Variants in CTU1 observed in about 807,000 individuals in gnomAD.
CTU1 encodes the protein cytoplasmic tRNA 2-thiolation protein 1.
CTU1 carries 15 observed loss-of-function variants against 12.9 expected under a neutral mutation model. That is an observed-to-expected ratio of 1.16 (90% confidence interval 0.78 to 1.79). CTU1 has a LOEUF of 1.79. CTU1 is among the 40% of genes most tolerant of loss of function. The probability of loss-of-function intolerance (pLI) is 0.00; values close to 1 mark genes in which losing one functional copy is unlikely to be tolerated. For missense variants in CTU1, 553 were observed against 550.5 expected, an observed-to-expected ratio of 1.00 and a Z score of -0.05; for synonymous variants, 295 against 275.6, an observed-to-expected ratio of 1.07 and a Z score of -0.70.
Position 51,099,016 on chromosome 19 carries a change from C to G in CTU1, c.632G>C (p.Arg211Pro). The G allele has an allele frequency of 6.6e-7, 1 of 1,511,258 alleles. No homozygotes were observed. The highest frequency in any genetic ancestry group is 1.8e-4 in the Middle Eastern group (1 of 5,600). The allele number at this position is 1,511,258 out of a possible 1,614,324, so 93.6% of individuals were successfully genotyped here. A position where few individuals can be genotyped will look rare whatever the true frequency, so the allele number is the denominator to read the frequency against. ...PGEGGALPRC[R>P]PLQFASQKEV... Reference sequence around the variant, plus strand: ...CTTCTGCGAGGCGAACTGCAGCGGGCGGCAGCGCGGCAGGGCGCCCCCCTC... The same window carrying G: ...CTTCTGCGAGGCGAACTGCAGCGGGGGGCAGCGCGGCAGGGCGCCCCCCTC... Residue 211 changes from arginine (R) to proline (P), a missense_variant, in exon 3 of 3, where the codon CGC becomes CCC. Arg to Pro is a moderately radical substitution (Grantham distance 103). Coordinates refer to ENST00000421832, the MANE Select transcript of CTU1 (RefSeq NM_145232.4).
In CTU1 at chr19:51,100,799, T is replaced by G. The variant is rs1203069187; in HGVS notation, c.509-1660A>C. Among the ~76,000 whole-genome samples, 3 of 152,174 alleles carry G rather than the reference T, an allele frequency of 2.0e-5. No homozygotes were observed. The East Asian group carries it at 5.8e-4, about 29-fold the overall frequency. Reference sequence around the variant, plus strand: ...ACAGAACTACAAGATAATAAATCTGTGTTGTTTAAAGCTGTGAAATTTGAA... The same window carrying G: ...ACAGAACTACAAGATAATAAATCTGGGTTGTTTAAAGCTGTGAAATTTGAA... On this transcript the variant is annotated intron_variant, in intron 2 of 2. Coordinates refer to ENST00000421832, the MANE Select transcript of CTU1 (RefSeq NM_145232.4).
chr19:51,099,466 C>T (rs969618039), intron 2 of CTU1, among the ~76,000 whole-genome samples: 2 of 152,002 alleles, frequency 1.3e-5, no homozygotes, highest in African/African-American at 4.8e-5. Flanking sequence ...CATGGAGACC[C>T]TCCGGGAACC....
In CTU1 at chr19:51,104,363, G is replaced by T. The variant is rs934791437; in HGVS notation, c.207C>A (p.His69Gln). Reference protein sequence around the residue: ...SGGKDSTVLAHVLRALAPRLG... With the variant: ...SGGKDSTVLAQVLRALAPRLG... ...GGCGCGGCGCCAGCGCGCGCAGCACGTGCGCCAGCACCGTGGAGTCCTTGC... is the reference window on the plus strand; with the variant it reads ...GGCGCGGCGCCAGCGCGCGCAGCACTTGCGCCAGCACCGTGGAGTCCTTGC... Residue 69 changes from histidine (H) to glutamine (Q), a missense_variant, in exon 2 of 3, where the codon CAC (histidine) becomes CAA (glutamine). Physicochemically the swap from His to Gln is conservative, Grantham distance 24 (BLOSUM62 0). Coordinates refer to ENST00000421832, the MANE Select transcript of CTU1 (RefSeq NM_145232.4). The T allele has an allele frequency of 2.1e-6, 3 of 1,425,818 alleles. No homozygotes were observed. The highest frequency in any genetic ancestry group is 3.1e-5 in the African/African-American group (2 of 65,190). 88.3% of individuals were successfully genotyped at this position (1,425,818 alleles called of 1,614,324 possible).
chr19:51,106,470 C>T (rs965493837), intron 1 of CTU1, among the ~76,000 whole-genome samples: 1 of 151,932 alleles, frequency 6.6e-6, no homozygotes, highest in African/African-American at 2.4e-5. Flanking sequence ...TCCTGCCTAG[C>T]ACCCATCTCT....
intron 2 of CTU1, among the ~76,000 whole-genome samples, chr19:51,100,402 G>A (rs2091904457): frequency 1.3e-5 from 2 of 152,264 alleles, no homozygotes; most frequent in South Asian, 2.1e-4. Context: ...CTGAGGCCAC[G>A]AGTTTGAGAC....
intron 1 of CTU1, among the ~76,000 whole-genome samples, chr19:51,107,844 C>T (rs1206552984): frequency 6.6e-6 from 1 of 152,156 alleles, no homozygotes; most frequent in Non-Finnish European, 1.5e-5. Flanking sequence ...CGAGCGCCTC[C>T]ACCAGGGCCC....
At chr19:51,101,734 T>C (rs559628554) in intron 2 of CTU1, among the ~76,000 whole-genome samples, 1 of 152,216 alleles carries the variant, frequency 6.6e-6, no homozygotes, top group African/African-American at 2.4e-5. Context: ...TCTCGTTGAA[T>C]GTTTATTGAC....
At chr19:51,104,035 C>G in intron 2 of CTU1, 27 bp downstream of exon 2, 1 of 1,423,526 alleles carries the variant, frequency 7.0e-7, no homozygotes, top group South Asian at 1.5e-5. Context: ...TCGGAGAGTG[C>G]CGCTCTGCGG....
intron 1 of CTU1, among the ~76,000 whole-genome samples, chr19:51,105,389 C>G (rs1343335082): frequency 6.6e-6 from 1 of 152,000 alleles, no homozygotes; most frequent in East Asian, 1.9e-4. Flanking sequence ...TGACCTTCAT[C>G]TGTTATCTTT....
chr19:51,106,541 C>CTG (rs1358930943), intron 1 of CTU1, among the ~76,000 whole-genome samples: 2 of 152,042 alleles, frequency 1.3e-5, no homozygotes, highest in African/African-American at 4.8e-5. Flanking sequence ...GAGTCTGGCT[C>CTG]TGTTACCCAG....
intron 2 of CTU1, among the ~76,000 whole-genome samples, chr19:51,100,894 GT>G (rs1261547828): frequency 1.3e-5 from 2 of 150,620 alleles, no homozygotes; most frequent in Non-Finnish European, 3.0e-5. Flanking sequence ...CCAGACTGTA[GT>G]TTTTTTATGG....
chr19:51,106,156 A>T (rs2091920222), intron 1 of CTU1, among the ~76,000 whole-genome samples: 1 of 152,136 alleles, frequency 6.6e-6, no homozygotes, highest in Non-Finnish European at 1.5e-5. Context: ...GAGGCCCTAC[A>T]TGTGTGGCTC....
At chr19:51,107,193 G>A (rs917537632) in intron 1 of CTU1, among the ~76,000 whole-genome samples, 1 of 152,178 alleles carries the variant, frequency 6.6e-6, no homozygotes, top group Non-Finnish European at 1.5e-5. Context: ...GTTTATTCAG[G>A]AGGAGATGGG....
chr19:51,103,018 CT>C (rs2091910870), intron 2 of CTU1, among the ~76,000 whole-genome samples: 1 of 152,188 alleles, frequency 6.6e-6, no homozygotes, highest in African/African-American at 2.4e-5. Context: ...TTGTGCGTAA[CT>C]GTATTCTCAG....
intron 2 of CTU1, among the ~76,000 whole-genome samples, chr19:51,102,835 C>T (rs937307735): frequency 5.2e-5 from 6 of 115,526 alleles, no homozygotes; most frequent in African/African-American, 2.5e-4. Context: ...AATTCTTACC[C>T]GCTTTACCTC....
chr19:51,100,934 C>CGT (rs71185800), intron 2 of CTU1, among the ~76,000 whole-genome samples: 32,050 of 145,240 alleles, frequency 0.22, 3,659 homozygotes, highest in African/African-American at 0.3. Flanking sequence ...TTTTATTGTG[C>CGT]GTGTGTGTGT....
chr19:51,104,467 C>T lies in CTU1; in HGVS notation c.103G>A (p.Glu35Lys), dbSNP rs1303353676. Reference protein sequence around the residue: ...LCGACFCAAFEAEVLHTVLAG... With the variant: ...LCGACFCAAFKAEVLHTVLAG... ...AGCACCGTGTGCAGCACCTCGGCCT[C>T]GAAGGCGGCGCAGAAGCAGGCACCG... The change falls in exon 2 of 3, where the codon GAG becomes AAG. Residue 35 changes from glutamate to lysine, a missense_variant. Glu to Lys is a moderately conservative substitution (Grantham distance 56, BLOSUM62 1). Coordinates refer to ENST00000421832, the MANE Select transcript of CTU1 (RefSeq NM_145232.4). 1.3e-5 allele frequency: 17 copies of T among 1,309,736 alleles called. No individual in the cohort carries two copies. The highest frequency in any genetic ancestry group is 1.6e-5 in the Non-Finnish European group (17 of 1,030,426). 81.1% of individuals were successfully genotyped at this position (1,309,736 alleles called of 1,614,324 possible). A position where few individuals can be genotyped will look rare whatever the true frequency, so the allele number is the denominator to read the frequency against.
rs1347123263 is a variant in CTU1, at chr19:51,098,833, C to G, written c.815G>C (p.Arg272Pro). The G allele has an allele frequency of 1.7e-6, 2 of 1,169,648 alleles. No individual in the cohort carries two copies. The highest frequency in any genetic ancestry group is 1.7e-5 in the African/African-American group (1 of 60,042). 72.5% of individuals were successfully genotyped at this position (1,169,648 alleles called of 1,614,324 possible). ...CCGCGCGGCCGGGGCCAGCGCCAGG[C>G]GCTCGGCCGAGTGCACGAGGTCCAG... Reference protein sequence around the residue: ...AVLDLVHSAERLALAPAARPP... With the variant: ...AVLDLVHSAEPLALAPAARPP... The change falls in exon 3 of 3, where the codon CGC (arginine) becomes CCC (proline). Residue 272 changes from arginine (R) to proline (P), a missense_variant. Around this residue, in one of 2 missense-constraint regions of CTU1, gnomAD observed 500 missense variants for 458.5 expected, o/e 1.09. Transcript: ENST00000421832. The surrounding 1 kb of genome is among the most constrained non-coding windows in gnomAD (Gnocchi z 4.3).
rs2091914318 is a variant in CTU1 at position 51,104,261 on chromosome 19, C to T, written c.309G>A (p.Arg103=). 1.3e-6 allele frequency: 2 copies of T among 1,506,826 alleles called. No homozygotes were observed. Among genetic ancestry groups the T allele is most frequent in the Non-Finnish European group, 8.8e-7 (1 of 1,133,166 alleles). 93.3% of individuals were successfully genotyped at this position (1,506,826 alleles called of 1,614,324 possible). ...GCAGCTCCCAGCGCGCCGCCTGGCG[C>T]CGCACGGCCGCCAACGCCGCGTCCC... ...GYRDAALAAV[R]RQAARWELPL... is the part of the protein sequence containing the mutation. Residue 103 remains arginine (R), a synonymous_variant, in exon 2 of 3, where the codon CGG becomes CGA. Transcript: ENST00000421832.
Sources: gnomAD v4.1 joint callset for allele counts (sites outside exome capture counted in the v4.1 genomes callset) on GRCh38, gnomAD v4.1.1 for gene constraint, gnomAD v4.1.1 regional missense constraint, Gnocchi (gnomAD v3.1) non-coding constraint, MANE v1.5 for transcripts, NCBI Gene and HGNC (gene_info 2026-07-23, HGNC 2026-07-21) for gene names.